Variants in INTS4 observed in about 807,000 individuals in gnomAD.
INTS4 encodes the protein integrator complex subunit 4.
A neutral mutation model predicts 119.5 loss-of-function variants in INTS4; 70 were observed. The ratio of observed to expected loss-of-function variants is 0.59; its 90% CI spans 0.48 to 0.71. The LOEUF is 0.71. Among genes scored for constraint, INTS4 ranks in the 30% least tolerant of loss-of-function variants. INTS4 has a pLI of 0.00. For synonymous variants in INTS4, 316 were observed against 419.6 expected (o/e 0.75, Z 3.02); for missense variants, 867 against 1,173.2 (o/e 0.74, Z 3.81).
chr11:77,967,534 C>A (rs1855554624), intron 4 of INTS4, among the ~76,000 whole-genome samples: 1 of 152,094 alleles, frequency 6.6e-6, no homozygotes, highest in Admixed American at 6.6e-5. Context: ...GATCATATGG[C>A]AATTCTATTT....
chr11:77,887,617 A>C (rs1401750082), intron 21 of INTS4, among the ~76,000 whole-genome samples: 1 of 152,196 alleles, frequency 6.6e-6, no homozygotes, highest in Admixed American at 6.5e-5. Context: ...AATTAGGAAA[A>C]GAGGAAGTCA....
Position 77,938,844 on chromosome 11 carries a change from A to G in INTS4, c.991-19T>C. On this transcript the variant is annotated intron_variant, in intron 9 of 22. Coordinates refer to ENST00000534064, the MANE Select transcript of INTS4 (RefSeq NM_033547.4). ...GTTTCCTCTGCAGAGGACAACAACAATTACCAATTGTAGGAGGTTCATGAA... is the reference window on the plus strand; with the variant it reads ...GTTTCCTCTGCAGAGGACAACAACAGTTACCAATTGTAGGAGGTTCATGAA... 4 of 1,575,610 alleles carry G rather than the reference A, an allele frequency of 2.5e-6. No homozygotes were observed. The highest frequency in any genetic ancestry group is 3.5e-6 in the Non-Finnish European group (4 of 1,159,196).
intron 16 of INTS4, among the ~76,000 whole-genome samples, chr11:77,907,437 T>C (rs925575498): frequency 1.3e-5 from 2 of 152,312 alleles, no homozygotes; most frequent in East Asian, 1.9e-4. Flanking sequence ...AATCAAATTA[T>C]ACAAAACATT....
intron 4 of INTS4, among the ~76,000 whole-genome samples, chr11:77,961,510 C>T (rs543810236): frequency 6.6e-6 from 1 of 152,170 alleles, no homozygotes; most frequent in East Asian, 1.9e-4. Flanking sequence ...TTTTAATATC[C>T]ATAGAAATAT....
intron 2 of INTS4, among the ~76,000 whole-genome samples, chr11:77,989,362 C>T (rs1856574813): frequency 1.3e-5 from 2 of 152,064 alleles, no homozygotes; most frequent in African/African-American, 2.4e-5. Context: ...TGGCGCACTC[C>T]TGTAGTCCCA....
chr11:77,893,123 G>A (rs55634269), intron 19 of INTS4, among the ~76,000 whole-genome samples: 1,550 of 152,216 alleles, frequency 0.01, 27 homozygotes, highest in African/African-American at 0.036. Flanking sequence ...GTATTATTCT[G>A]CCAGCATACC....
At chr11:77,929,181 T>TTA (rs945481432) in intron 10 of INTS4, among the ~76,000 whole-genome samples, 89 of 151,716 alleles carry the variant, frequency 5.9e-4, no homozygotes, top group South Asian at 1.5e-3. Flanking sequence ...GCCCCATATT[T>TTA]TATATATATA....
chr11:77,890,263 G>A (rs1344017492), intron 21 of INTS4, among the ~76,000 whole-genome samples: 1 of 152,144 alleles, frequency 6.6e-6, no homozygotes, highest in African/African-American at 2.4e-5. Flanking sequence ...AAGCCAGAAG[G>A]CCTGTTCCTC....
At chr11:77,992,169 A>G (rs994106479) in intron 1 of INTS4, among the ~76,000 whole-genome samples, 1 of 152,016 alleles carries the variant, frequency 6.6e-6, no homozygotes, top group Non-Finnish European at 1.5e-5. Flanking sequence ...AGGCTTAGGC[A>G]GGCGGATCAC....
At chr11:77,905,094 G>A (rs144666743) in intron 16 of INTS4, among the ~76,000 whole-genome samples, 2,030 of 152,206 alleles carry the variant, frequency 0.013, 39 homozygotes, top group African/African-American at 0.046. Context: ...TGTACTAAGT[G>A]GAGACTATCT....
At chr11:77,952,745 T>C (rs568484766) in intron 8 of INTS4, among the ~76,000 whole-genome samples, 3 of 152,368 alleles carry the variant, frequency 2.0e-5, no homozygotes, top group Admixed American at 6.5e-5. Context: ...ATGTTATACA[T>C]ACAACTTTAT....
intron 8 of INTS4, among the ~76,000 whole-genome samples, chr11:77,944,259 G>A (rs573309922): frequency 6.6e-6 from 1 of 152,258 alleles, no homozygotes; most frequent in Admixed American, 6.5e-5. Context: ...CTAAGTTGCT[G>A]CAGAACCTGG....
rs1953062988 is a variant in INTS4 at position 77,910,398 on chromosome 11, A to T, written c.1923-2588T>A. ...CATAGGTGGGAATTGAACAATGAGA[A>T]CACATGGACACAGGAAGGGGAACAT... On this transcript the variant is annotated intron_variant, in intron 15 of 22. Transcript: ENST00000534064. Among the ~76,000 whole-genome samples, 3 of 144,886 alleles carry T rather than the reference A, an allele frequency of 2.1e-5. 1 individual carries two copies. In the South Asian group the frequency reaches 7.2e-4, roughly 35 times the overall value.
chr11:77,875,041 C>CAAA (rs397791397), downstream of INTS4, among the ~76,000 whole-genome samples: 336 of 120,942 alleles, frequency 2.8e-3, 1 homozygote, highest in Non-Finnish European at 4.1e-3. Context: ...GACTCCATCT[C>CAAA]AAAAAAAAAA....
At chr11:77,952,249 T>C (rs1274450584) in intron 8 of INTS4, among the ~76,000 whole-genome samples, 2 of 152,166 alleles carry the variant, frequency 1.3e-5, no homozygotes, top group African/African-American at 4.8e-5. Context: ...CCAATCCCAA[T>C]GTGTAACTGG....
intron 19 of INTS4, among the ~76,000 whole-genome samples, chr11:77,893,598 A>G (rs1483147648): frequency 6.6e-6 from 1 of 152,096 alleles, no homozygotes; most frequent in Non-Finnish European, 1.5e-5. Context: ...GTCTCAAAAA[A>G]TAATAATGAG....
chr11:77,957,369 C>T (rs1336364622), intron 7 of INTS4, among the ~76,000 whole-genome samples: 2 of 151,836 alleles, frequency 1.3e-5, no homozygotes, highest in Non-Finnish European at 2.9e-5. Flanking sequence ...CCCAACATGG[C>T]AAAACCTCAT....
At chr11:77,958,231 T>TA (rs1281394954) in intron 7 of INTS4, among the ~76,000 whole-genome samples, 5 of 151,080 alleles carry the variant, frequency 3.3e-5, no homozygotes, top group African/African-American at 1.2e-4. Context: ...AAATAAAAGA[T>TA]AAATAAACAT....
intron 2 of INTS4, among the ~76,000 whole-genome samples, chr11:77,988,154 G>A (rs535249760): frequency 6.6e-6 from 1 of 152,282 alleles, no homozygotes; most frequent in Non-Finnish European, 1.5e-5. Context: ...AATGTTCCTA[G>A]GAACCTGCCA....
Sources: gnomAD v4.1 joint callset for allele counts (sites outside exome capture counted in the v4.1 genomes callset) on GRCh38, gnomAD v4.1.1 for gene constraint, MANE v1.5 for transcripts, NCBI Gene and HGNC (gene_info 2026-07-23, HGNC 2026-07-21) for gene names.